OTOS: variants seen among roughly 807,000 people sequenced by gnomAD.
The protein encoded by OTOS is otospiralin.
A neutral mutation model predicts 12.5 loss-of-function variants in OTOS; 14 were observed. The ratio of observed to expected loss-of-function variants is 1.12; its 90% CI spans 0.74 to 1.76. OTOS has a LOEUF of 1.76. OTOS is among the 40% of genes most tolerant of loss of function. OTOS has a pLI of 0.00. For synonymous variants in OTOS, 49 were observed against 47.6 expected (o/e 1.03, Z -0.12); for missense variants, 141 against 112.8 (o/e 1.25, Z -1.13).
chr2:240,140,139 T>G (rs746752414), intron 2 of OTOS, 51 bp from the exon 3 acceptor site: 7 of 1,608,728 alleles, frequency 4.4e-6, no homozygotes, highest in Admixed American at 3.4e-5. Flanking sequence ...CAGGTGCCGG[T>G]TGGGCCCACC....
chr2:240,139,349 A>G lies in OTOS; in HGVS notation c.91T>C (p.Tyr31His), dbSNP rs2072032663. Residue 31 changes from tyrosine (Y) to histidine (H), a missense_variant, in exon 4 of 4, where the codon TAC (tyrosine) becomes CAC (histidine). Transcript: ENST00000319460. ...AKPVQEEGDPYAELPAMPYWP... is the reference protein window; with the variant it reads ...AKPVQEEGDPHAELPAMPYWP... ...TAGGGCATGGCCGGCAGCTCCGCGT[A>G]AGGGTCTGAAAGACACAAGACACCT... 1 of 1,610,880 alleles carries G rather than the reference A, an allele frequency of 6.2e-7. No homozygotes were observed. The highest frequency in any genetic ancestry group is 8.5e-7 in the Non-Finnish European group (1 of 1,177,782).
At position 240,139,048 on chromosome 2, in the gene OTOS, T is replaced by C; in HGVS notation, c.*122A>G. ...TGGTTGTGCATCTTCAGTCCGGAGT[T>C]TATTGAGCGTGAGACCAGGCCTGAC... On this transcript the variant is annotated 3_prime_UTR_variant, in exon 4 of 4. Coordinates refer to ENST00000319460, the MANE Select transcript of OTOS (RefSeq NM_148961.4). The C allele has an allele frequency of 1.9e-6, 2 of 1,033,084 alleles. No individual in the cohort carries two copies. Among genetic ancestry groups the C allele is most frequent in the South Asian group, 3.6e-5 (2 of 56,274 alleles). 64.0% of individuals were successfully genotyped at this position (1,033,084 alleles called of 1,614,324 possible). A position where few individuals can be genotyped will look rare whatever the true frequency, so the allele number is the denominator to read the frequency against.
At chr2:240,139,925 C>T in intron 3 of OTOS, 137 bp downstream of exon 3, 1 of 1,000,140 alleles carries the variant, frequency 1.0e-6, no homozygotes, top group Non-Finnish European at 1.5e-6. Flanking sequence ...CCATGTTTTC[C>T]ATGCTTGGGC....
intron 3 of OTOS, among the ~76,000 whole-genome samples, chr2:240,139,672 AC>A (rs1559485062): frequency 6.6e-6 from 1 of 151,946 alleles, no homozygotes; most frequent in African/African-American, 2.4e-5. Flanking sequence ...CCACTCCGCT[AC>A]CCCCCGTATA....
Position 240,140,250 on chromosome 2 carries a change from C to A in OTOS, c.58+19G>T. On this transcript the variant is annotated intron_variant, in intron 2 of 3. Transcript: ENST00000319460. ...GTCGGGGGTCCTGGTGGCTGCCTCC[C>A]TCCAGAGCGGCCCCTCACCTGCAAG... is the stretch of plus-strand genomic sequence containing the variant. 1 of 1,586,964 alleles carries A rather than the reference C, an allele frequency of 6.3e-7. No homozygotes were observed. Among genetic ancestry groups the A allele is most frequent in the Admixed American group, 1.8e-5 (1 of 56,024 alleles).
Position 240,139,278 on chromosome 2 carries a change from G to A in OTOS, c.162C>T (p.Phe54=), listed in dbSNP as rs768430110. 1 of 1,614,196 alleles carries A rather than the reference G, an allele frequency of 6.2e-7. No individual in the cohort carries two copies. Among genetic ancestry groups the A allele is most frequent in the South Asian group, 1.1e-5 (1 of 91,090 alleles). ...TSDFWNYVQH[F]QALGAYPQIE... ...TCTGGGGGTAGGCCCCCAGGGCCTG[G>A]AAGTGCTGCACATAGTTCCAGAAGT... The change falls in exon 4 of 4, where the codon TTC becomes TTT. Residue 54 remains phenylalanine (F), a synonymous_variant. Transcript: ENST00000319460.
chr2:240,140,005 C>T (rs2072040153), intron 3 of OTOS, 57 bp downstream of exon 3: 24 of 1,588,462 alleles, frequency 1.5e-5, no homozygotes, highest in Non-Finnish European at 2.0e-5. Context: ...AGCAGTTTCT[C>T]CCCGCTGCAT....
chr2:240,140,429 C>T lies in OTOS; in HGVS notation c.-103G>A, dbSNP rs550309258. 33 of 1,239,442 alleles carry T rather than the reference C, an allele frequency of 2.7e-5. No individual in the cohort carries two copies. The South Asian group carries it at 3.5e-4, about 13-fold the overall frequency. 76.8% of individuals were successfully genotyped at this position (1,239,442 alleles called of 1,614,324 possible). Reference sequence around the variant, plus strand: ...GTCAGGGCCGGCTTCCTCTACCAGTCCCAGTGTGGGCAGCCCTGGGGAAAA... The same window carrying T: ...GTCAGGGCCGGCTTCCTCTACCAGTTCCAGTGTGGGCAGCCCTGGGGAAAA... On this transcript the variant is annotated 5_prime_UTR_variant, in exon 2 of 4. Coordinates refer to ENST00000319460, the MANE Select transcript of OTOS (RefSeq NM_148961.4).
At chr2:240,139,443 G>C in intron 3 of OTOS, 89 bp from the exon 4 acceptor site, 1 of 1,382,752 alleles carries the variant, frequency 7.2e-7, no homozygotes. Flanking sequence ...CAAGTGGATG[G>C]TTCCCAGCTC....
At chr2:240,140,196 C>T (rs2072043073) in intron 2 of OTOS, 73 bp downstream of exon 2, 1 of 1,589,270 alleles carries the variant, frequency 6.3e-7, no homozygotes, top group Non-Finnish European at 8.6e-7. Context: ...CCTGGGGATG[C>T]ATGCGGGAGG....
In OTOS at chr2:240,140,228, G is replaced by A. The variant is rs201266479; in HGVS notation, c.58+41C>T. On this transcript the variant is annotated intron_variant, in intron 2 of 3. Transcript: ENST00000319460. The stretch of plus-strand genomic sequence containing the variant: ...GAGGGGAGAGAACAGGAGGGCTGTC[G>A]GGGGTCCTGGTGGCTGCCTCCCTCC... The A allele has an allele frequency of 4.5e-4, 713 of 1,583,104 alleles. 3 individuals are homozygous for A. In the African/African-American group the frequency reaches 7.5e-3, roughly 17 times the overall value.
At chr2:240,139,961 C>T (rs2072039769) in intron 3 of OTOS, 101 bp downstream of exon 3, 7 of 1,380,800 alleles carry the variant, frequency 5.1e-6, no homozygotes, top group Middle Eastern at 3.8e-4. Flanking sequence ...GCCCCTGATG[C>T]GTCTGCTTGG....
chr2:240,139,811 G>A (rs1318750710), intron 3 of OTOS, among the ~76,000 whole-genome samples: 6 of 152,144 alleles, frequency 3.9e-5, no homozygotes, highest in Non-Finnish European at 8.8e-5. Context: ...TGGGGCCCTG[G>A]CTCCCCCTGC....
At position 240,139,237 on chromosome 2, in the gene OTOS, C is replaced by T. The variant is rs376456799; in HGVS notation, c.203G>A (p.Arg68Gln). Residue 68 changes from arginine to glutamine, a missense_variant, in exon 4 of 4, where the codon CGA becomes CAA. Coordinates refer to ENST00000319460, the MANE Select transcript of OTOS (RefSeq NM_148961.4). ...GAYPQIEDMA[R>Q]TFFAHFPLGS... ...CAGGGGGAAGTGGGCAAAGAAGGTT[C>T]GGGCCATGTCCTCGATCTGGGGGTA... is the stretch of plus-strand genomic sequence containing the variant. 18 of 1,614,048 alleles carry T rather than the reference C, an allele frequency of 1.1e-5. No individual in the cohort carries two copies. In the Admixed American group the frequency reaches 1.2e-4, roughly 10 times the overall value.
Position 240,139,274 on chromosome 2 carries a change from C to T in OTOS, c.166G>A (p.Ala56Thr). The part of the protein sequence containing the change: ...DFWNYVQHFQ[A>T]LGAYPQIEDM... Reference sequence around the variant, plus strand: ...TCGATCTGGGGGTAGGCCCCCAGGGCCTGGAAGTGCTGCACATAGTTCCAG... The same window carrying T: ...TCGATCTGGGGGTAGGCCCCCAGGGTCTGGAAGTGCTGCACATAGTTCCAG... Residue 56 changes from alanine (A) to threonine (T), a missense_variant, in exon 4 of 4, where the codon GCC (alanine) becomes ACC (threonine). Physicochemically the swap from Ala to Thr is moderately conservative, Grantham distance 58. Coordinates refer to ENST00000319460, the MANE Select transcript of OTOS (RefSeq NM_148961.4). The T allele has an allele frequency of 6.2e-7, 1 of 1,614,148 alleles. No individual in the cohort carries two copies. Among genetic ancestry groups the T allele is most frequent in the African/African-American group, 1.3e-5 (1 of 75,058 alleles).
rs1395181644 is a variant in OTOS at position 240,139,229 on chromosome 2, A to C, written c.211T>G (p.Phe71Val). 5 of 1,614,142 alleles carry C rather than the reference A, an allele frequency of 3.1e-6. No homozygotes were observed. ...GTGCTCCCCAGGGGGAAGTGGGCAAAGAAGGTTCGGGCCATGTCCTCGATC... is the reference window on the plus strand; with the variant it reads ...GTGCTCCCCAGGGGGAAGTGGGCAACGAAGGTTCGGGCCATGTCCTCGATC... ...PQIEDMARTF[F>V]AHFPLGSTLG... Residue 71 changes from phenylalanine to valine, a missense_variant, in exon 4 of 4, where the codon TTT becomes GTT. By Grantham distance (50) the Phe-to-Val change is conservative (BLOSUM62 -1). Coordinates refer to ENST00000319460, the MANE Select transcript of OTOS (RefSeq NM_148961.4).
Position 240,139,401 on chromosome 2 carries a change from G to C in OTOS, c.86-47C>G, listed in dbSNP as rs2072033446. On this transcript the variant is annotated intron_variant, in intron 3 of 3. Transcript: ENST00000319460. ...CCTTGGGGGCTGTCCCCATGGTCCT[G>C]CCTGGAGACACCATCCTCAGAGGTC... 3.2e-6 allele frequency: 5 copies of C among 1,554,700 alleles called. No homozygotes were observed. In the African/African-American group the frequency reaches 5.4e-5, roughly 17 times the overall value.
In OTOS at chr2:240,140,190, G is replaced by A. The variant is rs1282758989; in HGVS notation, c.58+79C>T. On this transcript the variant is annotated intron_variant, in intron 2 of 3. Transcript: ENST00000319460. Reference sequence around the variant, plus strand: ...GGCTCTAAGGTTTCCTAGCAGCCTGGGGATGCATGCGGGAGGGGAGAGAAC... The same window carrying A: ...GGCTCTAAGGTTTCCTAGCAGCCTGAGGATGCATGCGGGAGGGGAGAGAAC... The A allele has an allele frequency of 1.9e-6, 3 of 1,592,556 alleles. No individual in the cohort carries two copies. The African/African-American group carries it at 4.0e-5, about 21-fold the overall frequency.
In OTOS at chr2:240,139,221, G is replaced by T; in HGVS notation, c.219C>A (p.His73Gln). 1 of 1,614,144 alleles carries T rather than the reference G, an allele frequency of 6.2e-7. No individual in the cohort carries two copies. Residue 73 changes from histidine to glutamine, a missense_variant, in exon 4 of 4, where the codon CAC becomes CAA. Coordinates refer to ENST00000319460, the MANE Select transcript of OTOS (RefSeq NM_148961.4). ...AGCCCAGCGTGCTCCCCAGGGGGAA[G>T]TGGGCAAAGAAGGTTCGGGCCATGT... ...IEDMARTFFAHFPLGSTLGFH... is the reference protein window; with the variant it reads ...IEDMARTFFAQFPLGSTLGFH...
Sources: gnomAD v4.1 joint callset for allele counts (sites outside exome capture counted in the v4.1 genomes callset) on GRCh38, gnomAD v4.1.1 for gene constraint, MANE v1.5 for transcripts, NCBI Gene and HGNC (gene_info 2026-07-23, HGNC 2026-07-21) for gene names.